The following LRRC37A2 variants were observed in gnomAD, a reference collection of about 807,000 sequenced individuals.
LRRC37A2 encodes the protein leucine-rich repeat-containing protein 37A2.
Under a neutral mutation model 68.8 loss-of-function variants are expected in LRRC37A2, and 9 were observed. The ratio of observed to expected loss-of-function variants is 0.13; its 90% CI spans 0.08 to 0.23. LRRC37A2 has a LOEUF of 0.23. LRRC37A2 is among the 10% of genes least tolerant of loss of function. The pLI is 1.00. For missense variants in LRRC37A2, 168 were observed against 950.4 expected, an observed-to-expected ratio of 0.18 and a Z score of 10.82; for synonymous variants, 63 against 367.6, an observed-to-expected ratio of 0.17 and a Z score of 9.48.
chr17:46,797,454 G>A, the LRRC37A2 span, among the ~76,000 whole-genome samples: 4 of 152,200 alleles, frequency 2.6e-5, no homozygotes, highest in South Asian at 2.1e-4. Context: ...AGAGAAAGAC[G>A]GTGAAGGCCC....
chr17:46,490,128 G>C, the LRRC37A2 span, among the ~76,000 whole-genome samples: 1 of 151,212 alleles, frequency 6.6e-6, no homozygotes, highest in Non-Finnish European at 1.5e-5. Flanking sequence ...ATGATCAGGG[G>C]ATTGGCAAAC....
At chr17:46,838,711 T>C in the LRRC37A2 span, among the ~76,000 whole-genome samples, 1 of 152,130 alleles carries the variant, frequency 6.6e-6, no homozygotes, top group Non-Finnish European at 1.5e-5. Flanking sequence ...TAAAATGTCA[T>C]AGATAATTTG....
chr17:46,504,951 T>TATTTAATACATTGATTTATTAA, the LRRC37A2 span, among the ~76,000 whole-genome samples: 3 of 106,460 alleles, frequency 2.8e-5, no homozygotes, highest in Non-Finnish European at 3.6e-5. Context: ...TTAACTAATT[T>TATTTAATACATTGATTTATTAA]TGAGAGAGAG....
chr17:46,872,557 G>A, the LRRC37A2 span: 9 of 1,584,498 alleles, frequency 5.7e-6, no homozygotes, highest in Non-Finnish European at 5.2e-6. Flanking sequence ...CCCAGGATTG[G>A]GCACTGCGGC....
At chr17:46,816,475 GCACACACACACACACACACACACA>G in the LRRC37A2 span, among the ~76,000 whole-genome samples, 1 of 144,244 alleles carries the variant, frequency 6.9e-6, no homozygotes, top group African/African-American at 2.6e-5. Flanking sequence ...CAGAACACAC[GCACACACACACACACACACACACA>G]CACACACACA....
At chr17:46,773,628 C>CCA in the LRRC37A2 span, 1 of 435,286 alleles carries the variant, frequency 2.3e-6, no homozygotes. Context: ...ATCCCTCCCC[C>CCA]CACCCAGCCC....
the LRRC37A2 span, among the ~76,000 whole-genome samples, chr17:46,759,588 A>G: frequency 6.6e-6 from 1 of 152,230 alleles, no homozygotes; most frequent in Non-Finnish European, 1.5e-5. Context: ...GTGTAGCAGC[A>G]ATGCGTAGCT....
At chr17:46,826,781 C>CTTT in the LRRC37A2 span, among the ~76,000 whole-genome samples, 19 of 117,678 alleles carry the variant, frequency 1.6e-4, no homozygotes, top group African/African-American at 1.9e-4. Context: ...ATCAGCTGCT[C>CTTT]TTTTTTTTTT....
At chr17:46,712,554 T>G in the LRRC37A2 span, among the ~76,000 whole-genome samples, 1 of 152,218 alleles carries the variant, frequency 6.6e-6, no homozygotes, top group Non-Finnish European at 1.5e-5. Flanking sequence ...GTTTTGAACA[T>G]GTTAAATTCA....
the LRRC37A2 span, among the ~76,000 whole-genome samples, chr17:46,876,031 G>T: frequency 6.6e-6 from 1 of 152,338 alleles, no homozygotes; most frequent in East Asian, 1.9e-4. Flanking sequence ...GCTGTGTTCA[G>T]TCACTCAGTT....
chr17:46,897,914 G>A, the LRRC37A2 span, among the ~76,000 whole-genome samples: 1 of 152,210 alleles, frequency 6.6e-6, no homozygotes. Context: ...GAGGTGTCAT[G>A]TGGGTGGGTC....
chr17:46,875,463 C>T, the LRRC37A2 span: 1 of 1,422,164 alleles, frequency 7.0e-7, no homozygotes, highest in African/African-American at 1.4e-5. Context: ...CCCCAAAATA[C>T]ATGAAGAGCC....
At chr17:46,763,945 G>A in the LRRC37A2 span, 1 of 151,958 alleles carries the variant, frequency 6.6e-6, no homozygotes, top group Admixed American at 6.6e-5. Flanking sequence ...CAGGGTTATA[G>A]AGAAAATGAG....
chr17:46,946,338 G>A, the LRRC37A2 span, among the ~76,000 whole-genome samples: 1 of 150,376 alleles, frequency 6.6e-6, no homozygotes, highest in African/African-American at 2.5e-5. Context: ...GCGCATGCCT[G>A]TAATCCCAGC....
chr17:46,883,130 C>T, the LRRC37A2 span, among the ~76,000 whole-genome samples: 1 of 151,968 alleles, frequency 6.6e-6, no homozygotes, highest in South Asian at 2.1e-4. Flanking sequence ...AGGTGCCCGC[C>T]ACCACGCCCG....
chr17:46,890,031 C>A, the LRRC37A2 span, among the ~76,000 whole-genome samples: 1 of 152,208 alleles, frequency 6.6e-6, no homozygotes, highest in African/African-American at 2.4e-5. Context: ...CTGAGCAGCC[C>A]CTCCCATGCC....
chr17:46,866,639 G>A, the LRRC37A2 span, among the ~76,000 whole-genome samples: 1 of 152,022 alleles, frequency 6.6e-6, no homozygotes, highest in East Asian at 1.9e-4. Flanking sequence ...CCAGCACCCC[G>A]GGCAGCACAA....
chr17:46,497,590 G>C, the LRRC37A2 span, among the ~76,000 whole-genome samples: 1 of 149,864 alleles, frequency 6.7e-6, no homozygotes, highest in Non-Finnish European at 1.5e-5. Context: ...CCTTATAATT[G>C]TATATATGTG....
chr17:46,921,675 T>C, the LRRC37A2 span, among the ~76,000 whole-genome samples: 1 of 152,166 alleles, frequency 6.6e-6, no homozygotes, highest in Non-Finnish European at 1.5e-5. Flanking sequence ...GGGCGAAGGA[T>C]ATGAACAGAC....
Sources: allele counts gnomAD v4.1 joint callset (sites outside exome capture counted in the v4.1 genomes callset), GRCh38; gene constraint gnomAD v4.1.1; transcripts MANE v1.5; gene names NCBI Gene and HGNC (gene_info 2026-07-23, HGNC 2026-07-21).